The following CDH18 variants were observed in gnomAD, a reference collection of about 807,000 sequenced individuals.
CDH18 encodes the protein cadherin 18.
A neutral mutation model predicts 67.9 loss-of-function variants in CDH18; 31 were observed. The observed-to-expected ratio is 0.46, with a 90% CI of 0.34 to 0.62. The LOEUF (loss-of-function observed/expected upper bound fraction) is 0.62, where lower values mean the gene tolerates loss of function less well. CDH18 is among the 20% of genes least tolerant of loss of function. The pLI is 0.01. For synonymous variants in CDH18, 362 were observed against 347.2 expected, an observed-to-expected ratio of 1.04 and a Z score of -0.48; for missense variants, 890 against 975.5, an observed-to-expected ratio of 0.91 and a Z score of 1.17.
At chr5:19,709,243 A>T (rs917076513) in intron 5 of CDH18, among the ~76,000 whole-genome samples, 1 of 151,982 alleles carries the variant, frequency 6.6e-6, no homozygotes, top group Non-Finnish European at 1.5e-5. Flanking sequence ...ACTGCATAGG[A>T]TGGGAGCTTG....
chr5:19,647,845 C>T (rs964458298), intron 5 of CDH18, among the ~76,000 whole-genome samples: 2 of 152,064 alleles, frequency 1.3e-5, no homozygotes, highest in African/African-American at 2.4e-5. Context: ...ATTTTGAAAA[C>T]CCTACTTTCA....
At chr5:19,942,809 T>C (rs902994155) in intron 2 of CDH18, among the ~76,000 whole-genome samples, 20 of 152,138 alleles carry the variant, frequency 1.3e-4, no homozygotes, top group African/African-American at 4.6e-4. Flanking sequence ...CTCAGGAGCA[T>C]AGCCCCTGTC....
intron 5 of CDH18, among the ~76,000 whole-genome samples, chr5:19,654,616 A>C (rs1326065160): frequency 1.3e-5 from 2 of 152,152 alleles, no homozygotes; most frequent in Non-Finnish European, 2.9e-5. Context: ...TCCAGTGGGC[A>C]TGCTACTGTG....
chr5:20,427,736 G>A (rs747583399), intron 1 of CDH18, among the ~76,000 whole-genome samples: 4 of 150,968 alleles, frequency 2.6e-5, no homozygotes, highest in African/African-American at 5.0e-5. Context: ...AAGTGATTAC[G>A]ATTTATGCTC....
intron 2 of CDH18, among the ~76,000 whole-genome samples, chr5:20,009,351 G>T (rs1397427642): frequency 5.3e-5 from 8 of 152,012 alleles, no homozygotes; most frequent in African/African-American, 1.7e-4. Flanking sequence ...TATTCTGGAA[G>T]ATGCATTCTA....
At chr5:19,746,841 C>T (rs1299817699) in intron 4 of CDH18, 101 bp downstream of exon 4, 5 of 898,898 alleles carry the variant, frequency 5.6e-6, no homozygotes, top group African/African-American at 1.7e-5. Flanking sequence ...ATTTATATCC[C>T]CTCCAGATAT....
At chr5:19,822,512 A>T (rs563809066) in intron 3 of CDH18, among the ~76,000 whole-genome samples, 37 of 152,290 alleles carry the variant, frequency 2.4e-4, no homozygotes, top group Non-Finnish European at 4.9e-4. Flanking sequence ...GGGACAGAGT[A>T]AAAAAGAGAG....
At chr5:19,568,264 A>G (rs1032855169) in intron 8 of CDH18, among the ~76,000 whole-genome samples, 1 of 152,158 alleles carries the variant, frequency 6.6e-6, no homozygotes, top group Non-Finnish European at 1.5e-5. Context: ...TCGTATAGTA[A>G]ACAGTAATCC....
chr5:20,075,799 A>G (rs1743878560), intron 2 of CDH18, among the ~76,000 whole-genome samples: 1 of 152,218 alleles, frequency 6.6e-6, no homozygotes, highest in African/African-American at 2.4e-5. Flanking sequence ...TTGTGATTAC[A>G]GTGGGAAAAA....
At chr5:20,552,184 A>C (rs549365184) in intron 1 of CDH18, among the ~76,000 whole-genome samples, 8 of 152,258 alleles carry the variant, frequency 5.3e-5, no homozygotes, top group African/African-American at 1.9e-4. Context: ...CATTAAAAAA[A>C]AAAAGCATTC....
intron 3 of CDH18, among the ~76,000 whole-genome samples, chr5:19,785,783 TA>T (rs1290359994): frequency 7.5e-6 from 1 of 133,584 alleles, no homozygotes; most frequent in African/African-American, 2.8e-5. Flanking sequence ...TCATGAAGAT[TA>T]AATAAGGTGA....
chr5:20,148,217 G>A (rs1474275299), intron 2 of CDH18, among the ~76,000 whole-genome samples: 2 of 151,190 alleles, frequency 1.3e-5, no homozygotes, highest in Admixed American at 6.6e-5. Flanking sequence ...TCAGCCTCCC[G>A]AGTAGCTGGG....
intron 2 of CDH18, among the ~76,000 whole-genome samples, chr5:20,165,845 G>T (rs927884486): frequency 6.6e-6 from 1 of 152,052 alleles, no homozygotes; most frequent in African/African-American, 2.4e-5. Flanking sequence ...CAATTGAGAT[G>T]AAACTATTTA....
intron 5 of CDH18, among the ~76,000 whole-genome samples, chr5:19,680,195 A>C (rs571567419): frequency 3.0e-4 from 46 of 152,206 alleles, no homozygotes; most frequent in African/African-American, 1.0e-3. Flanking sequence ...CCTATACAAT[A>C]AATGGTGTTG....
chr5:19,862,770 GTC>G (rs1785040577), intron 2 of CDH18, among the ~76,000 whole-genome samples: 2 of 152,152 alleles, frequency 1.3e-5, no homozygotes, highest in Non-Finnish European at 2.9e-5. Flanking sequence ...ACAGGTCGTA[GTC>G]CAAAATAAAA....
At chr5:20,462,540 G>C (rs564215261) in intron 1 of CDH18, among the ~76,000 whole-genome samples, 9 of 152,160 alleles carry the variant, frequency 5.9e-5, no homozygotes, top group African/African-American at 2.2e-4. Flanking sequence ...CAAAGTGATG[G>C]GATACCCCAA....
At chr5:20,552,242 C>T (rs1465137784) in intron 1 of CDH18, among the ~76,000 whole-genome samples, 1 of 151,068 alleles carries the variant, frequency 6.6e-6, no homozygotes, top group Non-Finnish European at 1.5e-5. Context: ...TTCAGGAGAC[C>T]GACATGGGCA....
At chr5:19,871,659 T>G (rs1410775465) in intron 2 of CDH18, among the ~76,000 whole-genome samples, 1 of 152,142 alleles carries the variant, frequency 6.6e-6, no homozygotes, top group Non-Finnish European at 1.5e-5. Flanking sequence ...TACTGTAAAT[T>G]AGAGACCAGA....
chr5:19,903,541 G>GTATATATATATATATATATA lies in CDH18; in HGVS notation c.-256-64319_-256-64300dup, dbSNP rs112818883. The stretch of plus-strand genomic sequence containing the variant: ...CAAAATAATGACTCTGTGTGTGTGT[G>GTATATATATATATATATATA]TATATATATATATATATATATATAT... On this transcript the variant is annotated intron_variant, in intron 2 of 12. Coordinates refer to ENST00000382275, the MANE Select transcript of CDH18 (RefSeq NM_004934.5). Among the ~76,000 whole-genome samples the GTATATATATATATATATATA allele has an allele frequency of 7.8e-3, 968 of 124,596 alleles. 8 individuals carry two copies. Among genetic ancestry groups the GTATATATATATATATATATA allele is most frequent in the Non-Finnish European group, 0.012 (719 of 60,280 alleles). The allele number at this position is 124,596 out of a possible 152,430, so 81.7% of individuals were successfully genotyped here.
Sources: allele counts gnomAD v4.1 joint callset (sites outside exome capture counted in the v4.1 genomes callset), GRCh38; gene constraint gnomAD v4.1.1; transcripts MANE v1.5; gene names NCBI Gene and HGNC (gene_info 2026-07-23, HGNC 2026-07-21).